GATM: variants seen among roughly 807,000 people sequenced by gnomAD.
GATM encodes the protein glycine amidinotransferase, also known as glycine amidinotransferase, mitochondrial.
GATM carries 23 observed loss-of-function variants against 54.2 expected under a neutral mutation model. The observed-to-expected ratio is 0.42, with a 90% confidence interval of 0.31 to 0.60. The LOEUF is 0.60. Ranked by LOEUF, GATM falls within the 20% of genes least tolerant of loss-of-function variation. The pLI, the probability that GATM is intolerant of heterozygous loss-of-function variation, is 0.14. For missense variants in GATM, 401 were observed against 544.9 expected (o/e 0.74, Z 2.63); for synonymous variants, 168 against 183.1 (o/e 0.92, Z 0.67).
chr15:45,373,030 T>C (rs1889567949), intron 2 of GATM, among the ~76,000 whole-genome samples: 1 of 152,250 alleles, frequency 6.6e-6, no homozygotes, highest in African/African-American at 2.4e-5. Context: ...TAAAACCCTT[T>C]ACAAAGGTTT....
At chr15:45,365,465 T>C (rs1889432444) in intron 6 of GATM, among the ~76,000 whole-genome samples, 1 of 152,238 alleles carries the variant, frequency 6.6e-6, no homozygotes, top group Non-Finnish European at 1.5e-5. Context: ...TGACACAGTA[T>C]AACAGTGGTT....
chr15:45,399,593 G>T, exon 2 of GATM: 1 of 156,704 alleles, frequency 6.4e-6, no homozygotes, highest in South Asian at 1.9e-4. Flanking sequence ...CCAGCCTCCA[G>T]AACTGTAAAA....
intron 2 of GATM, among the ~76,000 whole-genome samples, chr15:45,399,349 C>T (rs984260827): frequency 6.6e-6 from 1 of 152,202 alleles, no homozygotes; most frequent in Admixed American, 6.5e-5. Flanking sequence ...GTGTCCTCCA[C>T]AAAATTCATT....
In GATM at chr15:45,362,194, C is replaced by T. The variant is rs1357528739; in HGVS notation, c.1187G>A (p.Arg396His). Residue 396 changes from arginine (R) to histidine (H), a missense_variant, in exon 9 of 9, where the codon CGT becomes CAT. Arg to His is a conservative substitution (Grantham distance 29). Around this residue, in one of 3 missense-constraint regions of GATM, gnomAD observed 321 missense variants for 457.5 expected, o/e 0.70. Transcript: ENST00000396659. ...GCCTCCTCCCAGGGAATTGGCATTA[C>T]GAATGTTAACTTTAATGGTAGTGAT... Reference protein sequence around the residue: ...LGITTIKVNIRNANSLGGGFH... With the variant: ...LGITTIKVNIHNANSLGGGFH... The T allele has an allele frequency of 2.5e-6, 4 of 1,612,830 alleles. No individual in the cohort carries two copies. Among genetic ancestry groups the T allele is most frequent in the Non-Finnish European group, 3.4e-6 (4 of 1,179,050 alleles).
intron 3 of GATM, among the ~76,000 whole-genome samples, chr15:45,394,462 G>A (rs2140681326): frequency 6.6e-6 from 1 of 152,320 alleles, no homozygotes; most frequent in African/African-American, 2.4e-5. Context: ...GCAGAATTAA[G>A]CCAAGTGCTA....
chr15:45,402,070 G>A (rs746809888), exon 1 of GATM: 10 of 244,226 alleles, frequency 4.1e-5, no homozygotes, highest in Admixed American at 2.4e-4. Flanking sequence ...CGAAGGCCAG[G>A]AAAACAGAAT....
upstream of GATM, among the ~76,000 whole-genome samples, chr15:45,381,668 T>G (rs184931492): frequency 6.6e-6 from 1 of 152,324 alleles, no homozygotes; most frequent in East Asian, 1.9e-4. Flanking sequence ...CACACACATA[T>G]ACACACAGAT....
intron 2 of GATM, 85 bp downstream of exon 2, chr15:45,376,516 T>C: frequency 8.9e-7 from 1 of 1,129,568 alleles, no homozygotes; most frequent in South Asian, 1.2e-5. Context: ...GGTCTGGGAG[T>C]AAGCTGAAGG....
intron 2 of GATM, among the ~76,000 whole-genome samples, chr15:45,375,354 C>G (rs1319120127): frequency 6.6e-6 from 1 of 152,168 alleles, no homozygotes; most frequent in Admixed American, 6.5e-5. Flanking sequence ...CAGGTGTGAG[C>G]CACCGCGCCT....
intron 1 of GATM, among the ~76,000 whole-genome samples, chr15:45,401,555 G>A (rs1421854222): frequency 1.5e-5 from 2 of 131,136 alleles, no homozygotes; most frequent in East Asian, 2.7e-4. Context: ...GAAAGGGAAA[G>A]GCAGAAAGCA....
intron 7 of GATM, chr15:45,364,566 C>T (rs564596689): frequency 1.4e-5 from 7 of 491,684 alleles, no homozygotes; most frequent in African/African-American, 3.9e-5. Flanking sequence ...TCTTGCTTTA[C>T]GTGATGTTGT....
At chr15:45,382,873 T>C (rs1889758788), upstream of GATM, among the ~76,000 whole-genome samples, 1 of 152,212 alleles carries the variant, frequency 6.6e-6, no homozygotes, top group Non-Finnish European at 1.5e-5. Flanking sequence ...CAGTTCTTGC[T>C]TCCTAATTAT....
intron 6 of GATM, among the ~76,000 whole-genome samples, chr15:45,365,512 A>G (rs1488080006): frequency 1.3e-5 from 2 of 152,228 alleles, no homozygotes; most frequent in Admixed American, 1.3e-4. Context: ...AGTAACAGAA[A>G]ATCACTCATC....
chr15:45,366,037 A>G lies in GATM; in HGVS notation c.978+9T>C, dbSNP rs1555384111. Reference sequence around the variant, plus strand: ...TGTTGCTTTTCCAGAGTCCCAAGAAATCTCTTACCTGGTGACATGGTCGGT... The same window carrying G: ...TGTTGCTTTTCCAGAGTCCCAAGAAGTCTCTTACCTGGTGACATGGTCGGT... On this transcript the variant is annotated intron_variant, in intron 6 of 8. Transcript: ENST00000396659. The G allele has an allele frequency of 1.2e-6, 2 of 1,614,016 alleles. No individual in the cohort carries two copies. Among genetic ancestry groups the G allele is most frequent in the Admixed American group, 1.7e-5 (1 of 60,018 alleles).
chr15:45,397,747 A>G (rs1889950290), intron 2 of GATM, among the ~76,000 whole-genome samples: 1 of 152,230 alleles, frequency 6.6e-6, no homozygotes. Flanking sequence ...GGTCAGAAGC[A>G]CAAGTCACAA....
At chr15:45,383,574 C>T (rs1145083) in intron 3 of GATM, among the ~76,000 whole-genome samples, 2,225 of 150,832 alleles carry the variant, frequency 0.015, 51 homozygotes, top group African/African-American at 0.052. Context: ...AGGCAAAGGC[C>T]AACCCATTTG....
chr15:45,377,106 C>G (rs1175886365), intron 1 of GATM: 1 of 483,900 alleles, frequency 2.1e-6, no homozygotes, highest in African/African-American at 2.0e-5. Context: ...CCATCTTTAT[C>G]TCAGAATGCA....
At chr15:45,362,344 T>C in intron 8 of GATM, 123 bp from the exon 9 acceptor site, 2 of 686,550 alleles carry the variant, frequency 2.9e-6, no homozygotes, top group Admixed American at 2.1e-5. Context: ...CAACCCAGAA[T>C]AGTATTTTCT....
Position 45,390,745 on chromosome 15 carries a change from T to C in GATM, c.-319+6177A>G, listed in dbSNP as rs908607281. 2.2e-4 allele frequency among the ~76,000 whole-genome samples: 26 copies of C among 119,284 alleles called. No homozygotes were observed. The African/African-American group carries it at 2.2e-3, about 10-fold the overall frequency. 78.3% of individuals were successfully genotyped at this position (119,284 alleles called of 152,430 possible). A position where few individuals can be genotyped will look rare whatever the true frequency, so the allele number is the denominator to read the frequency against. ...AGCTGATAAGATACACAGAATCTAC[T>C]TATTTAAATATAAAATGAAGTATAT... On this transcript the variant is annotated intron_variant, in intron 3 of 4. Coordinates refer to the GATM transcript ENST00000561148.
Sources: allele counts gnomAD v4.1 joint callset (sites outside exome capture counted in the v4.1 genomes callset), GRCh38; gene constraint gnomAD v4.1.1; regional missense constraint gnomAD v4.1.1; transcripts MANE v1.5; gene names NCBI Gene and HGNC (gene_info 2026-07-23, HGNC 2026-07-21).